Variants in SOCS5 observed in about 807,000 individuals in gnomAD.
The protein encoded by SOCS5 is CIS-6.
A neutral mutation model predicts 42.8 loss-of-function variants in SOCS5; 32 were observed. The observed-to-expected ratio is 0.75, with a 90% CI of 0.56 to 1.01. The LOEUF (loss-of-function observed/expected upper bound fraction) is 1.01. Among genes scored for constraint, SOCS5 ranks in the 50% least tolerant of loss-of-function variants. The pLI is 0.00. For synonymous variants in SOCS5, 283 were observed against 229.6 expected (o/e 1.23, Z -2.10); for missense variants, 627 against 653.0 (o/e 0.96, Z 0.43).
intron 1 of SOCS5, among the ~76,000 whole-genome samples, chr2:46,712,727 A>G (rs1169777269): frequency 6.6e-6 from 1 of 152,252 alleles, no homozygotes; most frequent in Non-Finnish European, 1.5e-5. Context: ...GGTGAATTAC[A>G]TTGATTGGTA....
chr2:46,718,276 C>T (rs1364015885), intron 1 of SOCS5, among the ~76,000 whole-genome samples: 1 of 152,120 alleles, frequency 6.6e-6, no homozygotes, highest in African/African-American at 2.4e-5. Context: ...GAAGATCTAG[C>T]CCAATACAGT....
chr2:46,736,750 C>T (rs1170484644), intron 1 of SOCS5, among the ~76,000 whole-genome samples: 1 of 152,014 alleles, frequency 6.6e-6, no homozygotes, highest in Non-Finnish European at 1.5e-5. Flanking sequence ...GTTGTGCTAC[C>T]CCTAAACACC....
chr2:46,733,609 G>C (rs1269997634), intron 1 of SOCS5, among the ~76,000 whole-genome samples: 1 of 148,042 alleles, frequency 6.8e-6, no homozygotes, highest in Non-Finnish European at 1.5e-5. Flanking sequence ...AATAACCATT[G>C]TAAGGGATGA....
chr2:46,724,946 T>A (rs536285642), intron 1 of SOCS5, among the ~76,000 whole-genome samples: 1 of 152,172 alleles, frequency 6.6e-6, no homozygotes, highest in South Asian at 2.1e-4. Flanking sequence ...TTGCATAGTT[T>A]TTTGAGAGGA....
intron 1 of SOCS5, among the ~76,000 whole-genome samples, chr2:46,725,980 A>G (rs1027303260): frequency 2.6e-5 from 4 of 151,672 alleles, no homozygotes; most frequent in African/African-American, 7.3e-5. Context: ...CTATTCCCCT[A>G]TAAGTAATGC....
intron 1 of SOCS5, among the ~76,000 whole-genome samples, chr2:46,725,606 A>G (rs1467519922): frequency 6.6e-6 from 1 of 152,176 alleles, no homozygotes; most frequent in Non-Finnish European, 1.5e-5. Flanking sequence ...ATCTACATAC[A>G]TATAAAACCC....
intron 1 of SOCS5, among the ~76,000 whole-genome samples, chr2:46,710,200 GC>G (rs1672586690): frequency 6.6e-6 from 1 of 152,160 alleles, no homozygotes; most frequent in Non-Finnish European, 1.5e-5. Context: ...ACGCTGGAGT[GC>G]AGTGGCGCAA....
In SOCS5 at chr2:46,758,570, A is replaced by C. The variant is rs149200183; in HGVS notation, c.40A>C (p.Arg14=). 5.2e-5 allele frequency: 83 copies of C among 1,606,242 alleles called. No homozygotes were observed. The African/African-American group carries it at 7.7e-4, about 15-fold the overall frequency. The part of the protein sequence containing the change: ...VGKMWNNFKY[R]CQNLFGHEGG... The stretch of plus-strand genomic sequence containing the variant: ...AAAAATGTGGAATAACTTCAAATAC[A>C]GGTGTCAGAATCTCTTCGGTCATGA... Residue 14 remains arginine, a synonymous_variant, in exon 2 of 2, where the codon AGG becomes CGG. Transcript: ENST00000394861.
rs745925841 is a variant in SOCS5 at position 46,759,622 on chromosome 2, T to C, written c.1092T>C (p.Asp364=). ...CTTGGAAAGTCCACACACAGATTGATTACATACACTGCCTCGTGCCTGATT... is the reference window on the plus strand; with the variant it reads ...CTTGGAAAGTCCACACACAGATTGACTACATACACTGCCTCGTGCCTGATT... ...QGAWKVHTQI[D]YIHCLVPDLL... Residue 364 remains aspartate (D), a synonymous_variant, in exon 2 of 2, where the codon GAT becomes GAC. Transcript: ENST00000394861. The C allele has an allele frequency of 6.2e-6, 10 of 1,614,008 alleles. No individual in the cohort carries two copies. Among genetic ancestry groups the C allele is most frequent in the Non-Finnish European group, 8.5e-6 (10 of 1,179,886 alleles).
intron 1 of SOCS5, among the ~76,000 whole-genome samples, chr2:46,725,771 T>G (rs777480063): frequency 1.3e-5 from 2 of 152,192 alleles, no homozygotes; most frequent in East Asian, 3.8e-4. Context: ...TCATTTCTCT[T>G]CTATCCTTTA....
intron 1 of SOCS5, among the ~76,000 whole-genome samples, chr2:46,728,786 C>T (rs1673048678): frequency 6.6e-6 from 1 of 152,270 alleles, no homozygotes; most frequent in African/African-American, 2.4e-5. Context: ...GAACTCCTGA[C>T]CTCAAAGTGA....
At chr2:46,718,623 CAG>C (rs1290133551) in intron 1 of SOCS5, among the ~76,000 whole-genome samples, 1 of 152,092 alleles carries the variant, frequency 6.6e-6, no homozygotes, top group African/African-American at 2.4e-5. Context: ...GTTTAATTAA[CAG>C]AGCTAAATTT....
rs201737941 is a variant in SOCS5, at chr2:46,758,681, A to C, written c.151A>C (p.Thr51Pro). 8 of 1,614,086 alleles carry C rather than the reference A, an allele frequency of 5.0e-6. No homozygotes were observed. The highest frequency in any genetic ancestry group is 6.8e-6 in the Non-Finnish European group (8 of 1,179,986). ...GAAAAACATCAGCATAGGAGACTCA[A>C]CTCCTCAGCAACAAAGCAGTCCCTT... ...KEKNISIGDS[T>P]PQQQSSPLRE... The change falls in exon 2 of 2, where the codon ACT (threonine) becomes CCT (proline). Residue 51 changes from threonine (T) to proline (P), a missense_variant. Physicochemically the swap from Thr to Pro is conservative, Grantham distance 38. This residue lies in a region of SOCS5 where 278 missense variants were observed against 246.3 expected (regional missense o/e 1.13). Coordinates refer to ENST00000394861, the MANE Select transcript of SOCS5 (RefSeq NM_144949.3).
chr2:46,742,402 T>A lies in SOCS5; in HGVS notation c.-12-16117T>A, dbSNP rs78904025. Reference sequence around the variant, plus strand: ...TAGACGCACACCACTGTGTCTGGCATATCTTTTTCTTATAAAATATATATA... The same window carrying A: ...TAGACGCACACCACTGTGTCTGGCAAATCTTTTTCTTATAAAATATATATA... On this transcript the variant is annotated intron_variant, in intron 1 of 1. Coordinates refer to ENST00000394861, the MANE Select transcript of SOCS5 (RefSeq NM_144949.3). Among the ~76,000 whole-genome samples the A allele has an allele frequency of 3.6e-3, 514 of 140,994 alleles. 23 individuals carry two copies. In the East Asian group the frequency reaches 0.1, roughly 29 times the overall value. The allele number at this position is 140,994 out of a possible 152,430, so 92.5% of individuals were successfully genotyped here.
chr2:46,734,336 G>C (rs963539604), intron 1 of SOCS5, among the ~76,000 whole-genome samples: 6 of 152,136 alleles, frequency 3.9e-5, no homozygotes, highest in African/African-American at 1.2e-4. Flanking sequence ...AGAGGGGTCA[G>C]ATCATCAAAT....
chr2:46,724,180 A>C (rs1672944113), intron 1 of SOCS5, among the ~76,000 whole-genome samples: 1 of 150,902 alleles, frequency 6.6e-6, no homozygotes, highest in Non-Finnish European at 1.5e-5. Flanking sequence ...TGTGTAAATA[A>C]ATATGTCTGC....
intron 1 of SOCS5, among the ~76,000 whole-genome samples, chr2:46,755,029 G>T (rs1385197411): frequency 6.6e-6 from 1 of 152,106 alleles, no homozygotes; most frequent in South Asian, 2.1e-4. Context: ...CAGTCTACCT[G>T]TCCCAATTTT....
At chr2:46,717,338 G>A (rs1467540959) in intron 1 of SOCS5, among the ~76,000 whole-genome samples, 3 of 151,946 alleles carry the variant, frequency 2.0e-5, no homozygotes, top group Non-Finnish European at 2.9e-5. Flanking sequence ...CTTCTTTAGG[G>A]GATCATGTTT....
chr2:46,707,407 T>C (rs776849383), intron 1 of SOCS5, among the ~76,000 whole-genome samples: 7 of 152,228 alleles, frequency 4.6e-5, no homozygotes, highest in Non-Finnish European at 1.0e-4. Flanking sequence ...TAGCTAATGA[T>C]TGTAAATAGT....
Sources: allele counts gnomAD v4.1 joint callset (sites outside exome capture counted in the v4.1 genomes callset), GRCh38; gene constraint gnomAD v4.1.1; regional missense constraint gnomAD v4.1.1; transcripts MANE v1.5; gene names NCBI Gene and HGNC (gene_info 2026-07-23, HGNC 2026-07-21).